Variants in CAMLG observed in about 807,000 individuals in gnomAD.
CAMLG encodes the protein guided entry of tail-anchored proteins factor CAMLG.
In CAMLG, 23 loss-of-function variants were observed where a neutral mutation model predicts 28.9. The ratio of observed to expected loss-of-function variants is 0.80; its 90% CI spans 0.57 to 1.13. The LOEUF (loss-of-function observed/expected upper bound fraction) is 1.13. CAMLG is among the 50% of genes most tolerant of loss of function. The pLI, the probability that CAMLG is intolerant of heterozygous loss-of-function variation, is 0.00. For synonymous variants in CAMLG, 141 were observed against 146.5 expected (o/e 0.96, Z 0.27); for missense variants, 367 against 371.9 (o/e 0.99, Z 0.11).
At chr5:134,744,109 C>A in intron 3 of CAMLG, 57 bp downstream of exon 3, 1 of 781,178 alleles carries the variant, frequency 1.3e-6, no homozygotes, top group Non-Finnish European at 2.2e-6. Flanking sequence ...TTATGACTAG[C>A]TAATTGAAGG....
At chr5:134,742,069 A>C (rs180759700) in intron 2 of CAMLG, among the ~76,000 whole-genome samples, 6 of 152,340 alleles carry the variant, frequency 3.9e-5, no homozygotes, top group East Asian at 3.9e-4. Flanking sequence ...AAAAATCTAG[A>C]AATGATTTAA....
intron 1 of CAMLG, among the ~76,000 whole-genome samples, chr5:134,740,428 A>T (rs997883870): frequency 2.0e-5 from 3 of 152,146 alleles, no homozygotes; most frequent in African/African-American, 7.2e-5. Flanking sequence ...TACATCTGGG[A>T]TATATTATCC....
chr5:134,744,546 A>AAAAAAC (rs58263640), intron 3 of CAMLG, among the ~76,000 whole-genome samples: 1 of 151,448 alleles, frequency 6.6e-6, no homozygotes, highest in African/African-American at 2.4e-5. Context: ...AAAAAAAAAA[A>AAAAAAC]GAGTAATTAG....
rs751332405 is a variant in CAMLG at position 134,738,665 on chromosome 5, G to A, written c.45G>A (p.Gly15=). 1.9e-6 allele frequency: 3 copies of A among 1,613,352 alleles called. No individual in the cohort carries two copies. In the East Asian group the frequency reaches 6.7e-5, roughly 36 times the overall value. Residue 15 remains glycine (G), a synonymous_variant, in exon 1 of 4, where the codon GGG becomes GGA. Coordinates refer to ENST00000297156, the MANE Select transcript of CAMLG (RefSeq NM_001745.4). ...AVATDGGERP[G]VPAGSGLSAS... The stretch of plus-strand genomic sequence containing the variant: ...CTACCGACGGCGGGGAGAGGCCGGG[G>A]GTCCCAGCGGGCTCAGGTCTGTCGG...
Position 134,741,248 on chromosome 5 carries a change from C to T in CAMLG, c.358C>T (p.Pro120Ser), listed in dbSNP as rs777907734. The T allele has an allele frequency of 1.9e-6, 3 of 1,614,170 alleles. No homozygotes were observed. In the South Asian group the frequency reaches 3.3e-5, roughly 18 times the overall value. The change falls in exon 2 of 4, where the codon CCA (proline) becomes TCA (serine). Residue 120 changes from proline (P) to serine (S), a missense_variant. Coordinates refer to ENST00000297156, the MANE Select transcript of CAMLG (RefSeq NM_001745.4). ...AGACAAATTGGACTCGTTCATTAAACCACCTGAGTGCAGTAGTGATGTCAA... is the reference window on the plus strand; with the variant it reads ...AGACAAATTGGACTCGTTCATTAAATCACCTGAGTGCAGTAGTGATGTCAA... ...LGDKLDSFIK[P>S]PECSSDVNLE...
In CAMLG at chr5:134,746,233, G is replaced by GA. The variant is rs964104438; in HGVS notation, c.699+2190dup. On this transcript the variant is annotated intron_variant, in intron 3 of 3. Transcript: ENST00000297156. ...GTAAGCTCTCCAAGAAATATTAAGA[G>GA]AAAAAAAAACAAAATTCAGAATAGA... Among the ~76,000 whole-genome samples, 28 of 139,538 alleles carry GA rather than the reference G, an allele frequency of 2.0e-4. 1 individual carries two copies. Among genetic ancestry groups the GA allele is most frequent in the East Asian group, 4.7e-4 (2 of 4,240 alleles). 91.5% of individuals were successfully genotyped at this position (139,538 alleles called of 152,430 possible). A position where few individuals can be genotyped will look rare whatever the true frequency, so the allele number is the denominator to read the frequency against.
In CAMLG at chr5:134,741,332, T is replaced by C; in HGVS notation, c.442T>C (p.Ser148Pro). Residue 148 changes from serine (S) to proline (P), a missense_variant, in exon 2 of 4, where the codon TCC (serine) becomes CCC (proline). Physicochemically the swap from Ser to Pro is moderately conservative, Grantham distance 74 (BLOSUM62 -1). Coordinates refer to ENST00000297156, the MANE Select transcript of CAMLG (RefSeq NM_001745.4). ...DLTADSVQRG[S>P]RHGLEQYLSR... ...GACAGCGGACTCGGTCCAGAGGGGT[T>C]CCCGCCATGGCCTAGAGCAGTACCT... 6.2e-7 allele frequency: 1 copy of C among 1,614,154 alleles called. No homozygotes were observed. The highest frequency in any genetic ancestry group is 8.5e-7 in the Non-Finnish European group (1 of 1,180,024).
At chr5:134,738,830 A>T (rs374641702) in intron 1 of CAMLG, 38 bp downstream of exon 1, 2 of 1,603,260 alleles carry the variant, frequency 1.2e-6, no homozygotes, top group African/African-American at 2.7e-5. Flanking sequence ...CCCGCCCATC[A>T]CCTTGAATCT....
At position 134,738,575 on chromosome 5, in the gene CAMLG, C is replaced by G. The variant is rs1752945100; in HGVS notation, c.-46C>G. On this transcript the variant is annotated 5_prime_UTR_variant, in exon 1 of 4. Coordinates refer to ENST00000297156, the MANE Select transcript of CAMLG (RefSeq NM_001745.4). ...CTAGTCATCGCCCTCGCAGCGGCGG[C>G]CAACATCACCGCCACTGCCACCCCT... 6.7e-7 allele frequency: 1 copy of G among 1,496,032 alleles called. No individual in the cohort carries two copies. The highest frequency in any genetic ancestry group is 9.0e-7 in the Non-Finnish European group (1 of 1,110,366). The allele number at this position is 1,496,032 out of a possible 1,614,324, so 92.7% of individuals were successfully genotyped here. A position where few individuals can be genotyped will look rare whatever the true frequency, so the allele number is the denominator to read the frequency against.
chr5:134,740,663 C>T (rs917644320), intron 1 of CAMLG, among the ~76,000 whole-genome samples: 6 of 152,184 alleles, frequency 3.9e-5, no homozygotes, highest in South Asian at 2.1e-4. Flanking sequence ...AGTGTAGTGG[C>T]GCAGTGTCTG....
chr5:134,752,009 T>C lies in CAMLG; in HGVS notation c.*1059T>C, dbSNP rs1753119754. 6.6e-6 allele frequency: 1 copy of C among 152,196 alleles called. No individual in the cohort carries two copies. The highest frequency in any genetic ancestry group is 2.4e-5 in the African/African-American group (1 of 41,472). 9.4% of individuals were successfully genotyped at this position (152,196 alleles called of 1,614,324 possible). On this transcript the variant is annotated 3_prime_UTR_variant, in exon 4 of 4. Coordinates refer to ENST00000297156, the MANE Select transcript of CAMLG (RefSeq NM_001745.4). ...ATAAATATCCTTTTAACTAACTCAG[T>C]AACTGCCATATTTTGTTGGGTTGTC...
chr5:134,749,557 T>C (rs1017417147), intron 3 of CAMLG, among the ~76,000 whole-genome samples: 6 of 152,200 alleles, frequency 3.9e-5, no homozygotes, highest in African/African-American at 7.2e-5. Context: ...CAAGTGTGGA[T>C]TCCTTTGCAT....
intron 1 of CAMLG, 52 bp from the exon 2 acceptor site, chr5:134,741,011 G>A: frequency 8.4e-7 from 1 of 1,189,106 alleles, no homozygotes; most frequent in Non-Finnish European, 1.2e-6. Flanking sequence ...AACATGTAAG[G>A]TGTTTGCCAG....
chr5:134,746,409 G>A (rs1753050140), intron 3 of CAMLG, among the ~76,000 whole-genome samples: 1 of 152,150 alleles, frequency 6.6e-6, no homozygotes, highest in African/African-American at 2.4e-5. Context: ...TGGGTACTAT[G>A]TAAATGGAAG....
chr5:134,744,059 T>C lies in CAMLG; in HGVS notation c.699+7T>C, dbSNP rs762317100. ...ATACAAATATTTTCCCAAGGTAAAT[T>C]AATTTTTTTTCTAAATTTCGATGAT... is the stretch of plus-strand genomic sequence containing the variant. On this transcript the variant is annotated splice_region_variant and intron_variant, in intron 3 of 3. Coordinates refer to ENST00000297156, the MANE Select transcript of CAMLG (RefSeq NM_001745.4). 6.3e-6 allele frequency: 8 copies of C among 1,274,104 alleles called. No individual in the cohort carries two copies. The highest frequency in any genetic ancestry group is 9.1e-6 in the Non-Finnish European group (8 of 883,976). The allele number at this position is 1,274,104 out of a possible 1,614,324, so 78.9% of individuals were successfully genotyped here. A position where few individuals can be genotyped will look rare whatever the true frequency, so the allele number is the denominator to read the frequency against.
intron 2 of CAMLG, among the ~76,000 whole-genome samples, chr5:134,743,182 G>T (rs904252891): frequency 1.3e-5 from 2 of 152,046 alleles, no homozygotes; most frequent in African/African-American, 4.8e-5. Flanking sequence ...TTGAGTGCTG[G>T]GCCTTTTCTG....
Position 134,738,703 on chromosome 5 carries a change from G to C in CAMLG, c.83G>C (p.Arg28Pro), listed in dbSNP as rs1375283907. Residue 28 changes from arginine to proline, a missense_variant, in exon 1 of 4, where the codon CGG (arginine) becomes CCG (proline). By Grantham distance (103) the Arg-to-Pro change is moderately radical. Transcript: ENST00000297156. ...AGSGLSASQRRAELRRRKLLM... is the reference protein window; with the variant it reads ...AGSGLSASQRPAELRRRKLLM... ...TCAGGTCTGTCGGCTTCCCAGCGTC[G>C]GGCGGAGCTGCGTCGGAGAAAGCTG... is the stretch of plus-strand genomic sequence containing the variant. 1 of 1,613,788 alleles carries C rather than the reference G, an allele frequency of 6.2e-7. No individual in the cohort carries two copies. The highest frequency in any genetic ancestry group is 1.3e-5 in the African/African-American group (1 of 74,920).
At chr5:134,745,637 A>C (rs1753038448) in intron 3 of CAMLG, among the ~76,000 whole-genome samples, 2 of 151,606 alleles carry the variant, frequency 1.3e-5, no homozygotes, top group Admixed American at 6.6e-5. Context: ...CTGTAATCCC[A>C]GCTACTTGGG....
chr5:134,749,975 G>A (rs1341621800), intron 3 of CAMLG, among the ~76,000 whole-genome samples: 1 of 152,178 alleles, frequency 6.6e-6, no homozygotes, highest in Non-Finnish European at 1.5e-5. Context: ...AAAGTGCTGG[G>A]ATTAGAGGCA....
Sources: allele counts gnomAD v4.1 joint callset (sites outside exome capture counted in the v4.1 genomes callset), GRCh38; gene constraint gnomAD v4.1.1; transcripts MANE v1.5; gene names NCBI Gene and HGNC (gene_info 2026-07-23, HGNC 2026-07-21).